SHROOM3: variants seen among roughly 807,000 people sequenced by gnomAD.
SHROOM3 encodes protein Shroom3.
Under a neutral mutation model 138.6 loss-of-function variants are expected in SHROOM3, and 47 were observed. The ratio of observed to expected loss-of-function variants is 0.34; its 90% CI spans 0.27 to 0.43. The LOEUF (loss-of-function observed/expected upper bound fraction) is 0.43, where lower values mean the gene tolerates loss of function less well. SHROOM3 is among the 20% of genes least tolerant of loss of function. SHROOM3 has a pLI of 1.00. For missense variants in SHROOM3, 2,491 were observed against 2,596.5 expected (o/e 0.96, Z 0.88); for synonymous variants, 1,062 against 1,063.3 (o/e 1.00, Z 0.02).
intron 1 of SHROOM3, among the ~76,000 whole-genome samples, chr4:76,438,655 T>C (rs1398963772): frequency 6.6e-6 from 1 of 152,138 alleles, no homozygotes; most frequent in Non-Finnish European, 1.5e-5. Context: ...CTTCTACACT[T>C]CCATATTATG....
chr4:76,580,421 CTTGTT>C (rs1314395245), intron 2 of SHROOM3, among the ~76,000 whole-genome samples: 1 of 147,924 alleles, frequency 6.8e-6, no homozygotes, highest in African/African-American at 2.5e-5. Flanking sequence ...ATTACTACCA[CTTGTT>C]TTGTGACCTT....
intron 2 of SHROOM3, 55 bp downstream of exon 2, chr4:76,555,818 C>A: frequency 6.3e-7 from 1 of 1,582,162 alleles, no homozygotes. Context: ...ACCTCTCTCC[C>A]TACCCTACCC....
intron 1 of SHROOM3, among the ~76,000 whole-genome samples, chr4:76,546,291 G>A (rs575661157): frequency 6.6e-6 from 1 of 152,166 alleles, no homozygotes; most frequent in African/African-American, 2.4e-5. Flanking sequence ...CCCCATTTAC[G>A]ACCCCAAATA....
intron 1 of SHROOM3, chr4:76,532,331 G>A (rs1161535218): frequency 6.6e-6 from 1 of 152,312 alleles, no homozygotes; most frequent in Non-Finnish European, 1.5e-5. Context: ...CGAGCACCAA[G>A]TTGCTCTTTA....
Position 76,741,449 on chromosome 4 carries a change from C to T in SHROOM3, c.3276C>T (p.Arg1092=). The part of the protein sequence containing the change: ...QQSALADYIQ[R]KTGKRPTSAA... ...GCGCCCTGGCGGACTACATCCAGCGCAAGACCGGCAAGCGGCCTACCTCCG... is the reference window on the plus strand; with the variant it reads ...GCGCCCTGGCGGACTACATCCAGCGTAAGACCGGCAAGCGGCCTACCTCCG... The change falls in exon 5 of 11, where the codon CGC becomes CGT. Residue 1092 remains arginine, a synonymous_variant. Coordinates refer to ENST00000296043, the MANE Select transcript of SHROOM3 (RefSeq NM_020859.4). The surrounding 1 kb of genome is among the most constrained non-coding windows in gnomAD (Gnocchi z 6.2). 1 of 1,579,786 alleles carries T rather than the reference C, an allele frequency of 6.3e-7. No homozygotes were observed.
At chr4:76,595,689 T>C (rs1487025435) in intron 2 of SHROOM3, among the ~76,000 whole-genome samples, 1 of 152,186 alleles carries the variant, frequency 6.6e-6, no homozygotes, top group Non-Finnish European at 1.5e-5. Flanking sequence ...AAGAATAGTA[T>C]AGACCAGGCA....
rs1721223866 is a variant in SHROOM3, at chr4:76,740,789, G to A, written c.2616G>A (p.Ser872=). ...GTCAGCAGCTGAGCGGAGGAGCGTCGGACAGCGGCCGTGGCCCCCAGAGGC... is the reference window on the plus strand; with the variant it reads ...GTCAGCAGCTGAGCGGAGGAGCGTCAGACAGCGGCCGTGGCCCCCAGAGGC... The part of the protein sequence containing the change: ...PCGQQLSGGA[S]DSGRGPQRPD... Residue 872 remains serine (S), a synonymous_variant, in exon 5 of 11, where the codon TCG becomes TCA. Transcript: ENST00000296043. The surrounding 1 kb of genome is among the most constrained non-coding windows in gnomAD (Gnocchi z 4.0). 2.5e-6 allele frequency: 4 copies of A among 1,610,984 alleles called. No individual in the cohort carries two copies. Among genetic ancestry groups the A allele is most frequent in the South Asian group, 1.1e-5 (1 of 91,020 alleles).
intron 1 of SHROOM3, among the ~76,000 whole-genome samples, chr4:76,462,005 A>T (rs1167216229): frequency 6.6e-6 from 1 of 152,170 alleles, no homozygotes; most frequent in Non-Finnish European, 1.5e-5. Context: ...TACCATTAGG[A>T]TAGGACAAAA....
chr4:76,533,084 T>A (rs1471494937), intron 1 of SHROOM3, among the ~76,000 whole-genome samples: 2 of 152,224 alleles, frequency 1.3e-5, no homozygotes, highest in Non-Finnish European at 1.5e-5. Flanking sequence ...CAGTGCAGAA[T>A]TTAAAACTGA....
At chr4:76,773,100 G>T (rs1458863174) in intron 10 of SHROOM3, among the ~76,000 whole-genome samples, 1 of 152,134 alleles carries the variant, frequency 6.6e-6, no homozygotes, top group Non-Finnish European at 1.5e-5. Flanking sequence ...GCTAAGGCTG[G>T]GTGCAGTGGC....
At chr4:76,569,631 T>G (rs1021966997) in intron 2 of SHROOM3, among the ~76,000 whole-genome samples, 8 of 152,312 alleles carry the variant, frequency 5.3e-5, no homozygotes, top group Admixed American at 3.3e-4. Context: ...TTTTGTTAGA[T>G]GATTCTCCCT....
At chr4:76,648,093 T>C (rs1735865925) in intron 2 of SHROOM3, among the ~76,000 whole-genome samples, 1 of 152,098 alleles carries the variant, frequency 6.6e-6, no homozygotes, top group Admixed American at 6.6e-5. Context: ...TTTGGGAGGC[T>C]AAGACAGGAG....
At chr4:76,695,174 T>C (rs547394793) in intron 2 of SHROOM3, among the ~76,000 whole-genome samples, 2 of 152,292 alleles carry the variant, frequency 1.3e-5, no homozygotes, top group East Asian at 3.9e-4. Context: ...GGGATGCTTG[T>C]AGGAAAGGCT....
intron 1 of SHROOM3, among the ~76,000 whole-genome samples, chr4:76,516,054 G>A (rs1732437613): frequency 6.6e-6 from 1 of 152,134 alleles, no homozygotes; most frequent in Admixed American, 6.6e-5. Flanking sequence ...GAGAGAGATT[G>A]GGAGTCAGGT....
intron 1 of SHROOM3, among the ~76,000 whole-genome samples, chr4:76,475,984 T>TA (rs543411056): frequency 6.6e-6 from 1 of 152,240 alleles, no homozygotes; most frequent in African/African-American, 2.4e-5. Flanking sequence ...TACTGTTTTT[T>TA]AAAAAAATTC....
At chr4:76,650,155 C>T (rs1056382894) in intron 2 of SHROOM3, among the ~76,000 whole-genome samples, 6 of 152,146 alleles carry the variant, frequency 3.9e-5, no homozygotes, top group Admixed American at 6.5e-5. Flanking sequence ...TCTCCAAATA[C>T]GGCCACAGTG....
chr4:76,603,288 C>T (rs570361897), intron 2 of SHROOM3, among the ~76,000 whole-genome samples: 4 of 152,110 alleles, frequency 2.6e-5, no homozygotes, highest in East Asian at 1.9e-4. Context: ...TGTGGTCGCA[C>T]GCACCTGTAG....
Position 76,552,061 on chromosome 4 carries a change from C to CTG in SHROOM3, c.169-3548_169-3547insTG, listed in dbSNP as rs1733373136. Among the ~76,000 whole-genome samples the CTG allele has an allele frequency of 2.2e-5, 3 of 139,522 alleles. No homozygotes were observed. In the South Asian group the frequency reaches 6.9e-4, roughly 32 times the overall value. The allele number at this position is 139,522 out of a possible 152,430, so 91.5% of individuals were successfully genotyped here. A position where few individuals can be genotyped will look rare whatever the true frequency, so the allele number is the denominator to read the frequency against. On this transcript the variant is annotated intron_variant, in intron 1 of 10. Coordinates refer to ENST00000296043, the MANE Select transcript of SHROOM3 (RefSeq NM_020859.4). ...TATCTTTAGTAGAGACGGGGTTTCA[C>CTG]CGTGTTAGCCAGGATGGACTCGATC...
intron 10 of SHROOM3, among the ~76,000 whole-genome samples, chr4:76,772,576 C>T (rs1024978665): frequency 2.0e-5 from 3 of 152,180 alleles, no homozygotes; most frequent in African/African-American, 7.2e-5. Context: ...TCTGCAGCGC[C>T]ACTCTCAGCA....
Sources: gnomAD v4.1 joint callset for allele counts (sites outside exome capture counted in the v4.1 genomes callset) on GRCh38, gnomAD v4.1.1 for gene constraint, Gnocchi (gnomAD v3.1) non-coding constraint, MANE v1.5 for transcripts, NCBI Gene and HGNC (gene_info 2026-07-23, HGNC 2026-07-21) for gene names.